Variants in ZFPM2 observed in about 807,000 individuals in gnomAD.
The protein encoded by ZFPM2 is zinc finger protein, FOG family member 2, also known as zinc finger protein ZFPM2.
Under a neutral mutation model 98.6 loss-of-function variants are expected in ZFPM2, and 20 were observed. The observed-to-expected ratio is 0.20, with a 90% confidence interval of 0.14 to 0.29. The LOEUF (loss-of-function observed/expected upper bound fraction) is 0.29. ZFPM2 is among the 10% of genes least tolerant of loss of function. The probability of loss-of-function intolerance (pLI) is 1.00; values close to 1 mark genes in which losing one functional copy is unlikely to be tolerated. For missense variants in ZFPM2, 1,310 were observed against 1,388.6 expected, an observed-to-expected ratio of 0.94 and a Z score of 0.90; for synonymous variants, 518 against 502.7, an observed-to-expected ratio of 1.03 and a Z score of -0.41.
intron 2 of ZFPM2, among the ~76,000 whole-genome samples, chr8:105,421,298 A>ATT (rs922853040): frequency 1.5e-4 from 23 of 152,098 alleles, no homozygotes; most frequent in African/African-American, 4.6e-4. Flanking sequence ...ACAAAATAAT[A>ATT]TTTAGTATAT....
intron 1 of ZFPM2, among the ~76,000 whole-genome samples, chr8:105,398,597 T>C (rs1811271062): frequency 6.6e-6 from 1 of 152,050 alleles, no homozygotes; most frequent in Non-Finnish European, 1.5e-5. Context: ...CATTAGATTC[T>C]CATAAGGAGC....
chr8:105,684,909 G>A (rs1367876928), intron 5 of ZFPM2: 6 of 151,984 alleles, frequency 3.9e-5, no homozygotes, highest in Admixed American at 3.9e-4. Context: ...CAGCGGACAA[G>A]TTTGTGATTC....
intron 4 of ZFPM2, among the ~76,000 whole-genome samples, chr8:105,621,439 G>A (rs1816543815): frequency 6.6e-6 from 1 of 152,020 alleles, no homozygotes; most frequent in Admixed American, 6.6e-5. Flanking sequence ...GAGACTATGG[G>A]GTTTTCTAAA....
intron 4 of ZFPM2, among the ~76,000 whole-genome samples, chr8:105,609,505 G>T (rs1267785971): frequency 6.6e-6 from 1 of 152,254 alleles, no homozygotes; most frequent in Non-Finnish European, 1.5e-5. Flanking sequence ...CATTTTAATT[G>T]TATTATACAA....
At chr8:105,660,204 T>A (rs1817361471) in intron 5 of ZFPM2, among the ~76,000 whole-genome samples, 1 of 152,186 alleles carries the variant, frequency 6.6e-6, no homozygotes, top group South Asian at 2.1e-4. Flanking sequence ...CTGTACTGTT[T>A]AGGGTATATT....
At chr8:105,758,485 T>G (rs1812657945) in intron 5 of ZFPM2, among the ~76,000 whole-genome samples, 1 of 152,150 alleles carries the variant, frequency 6.6e-6, no homozygotes, top group South Asian at 2.1e-4. Flanking sequence ...ATTCTATACA[T>G]GAACCCAAGG....
intron 1 of ZFPM2, among the ~76,000 whole-genome samples, chr8:105,338,763 A>T (rs1812370386): frequency 6.6e-6 from 1 of 151,890 alleles, no homozygotes; most frequent in Non-Finnish European, 1.5e-5. Context: ...GTCTGTATGA[A>T]TTTGCATGTG....
intron 4 of ZFPM2, among the ~76,000 whole-genome samples, chr8:105,572,238 C>T (rs1245881148): frequency 2.6e-5 from 4 of 151,834 alleles, no homozygotes; most frequent in East Asian, 3.9e-4. Context: ...GGGGTTTCAC[C>T]GTGTTAGCCA....
At chr8:105,556,006 T>C (rs1179210600) in intron 3 of ZFPM2, among the ~76,000 whole-genome samples, 1 of 152,070 alleles carries the variant, frequency 6.6e-6, no homozygotes, top group Admixed American at 6.6e-5. Flanking sequence ...TGGAGCAGTA[T>C]CAGTGGTATT....
rs187973072 is a variant in ZFPM2, at chr8:105,456,060, A to C, written c.301+11679A>C. 3.7e-3 allele frequency among the ~76,000 whole-genome samples: 569 copies of C among 151,962 alleles called. 1 individual carries two copies. Among genetic ancestry groups the C allele is most frequent in the Middle Eastern group, 0.02 (6 of 294 alleles). On this transcript the variant is annotated intron_variant, in intron 3 of 7. Transcript: ENST00000407775. ...TAGAGATAGGAGACAGAAATTCCCTATCTTTAGGGGAAGGCTAGAGGAAGA... is the reference window on the plus strand; with the variant it reads ...TAGAGATAGGAGACAGAAATTCCCTCTCTTTAGGGGAAGGCTAGAGGAAGA...
intron 5 of ZFPM2, among the ~76,000 whole-genome samples, chr8:105,672,262 G>C (rs1326800906): frequency 1.3e-5 from 2 of 151,100 alleles, no homozygotes; most frequent in African/African-American, 2.4e-5. Flanking sequence ...ATATTCTTTG[G>C]TTCAAGAAAA....
chr8:105,353,976 G>A (rs766081438), intron 1 of ZFPM2, among the ~76,000 whole-genome samples: 1 of 152,078 alleles, frequency 6.6e-6, no homozygotes, highest in Non-Finnish European at 1.5e-5. Context: ...GTATTCTAAG[G>A]AGTATGACCA....
At chr8:105,381,306 C>T (rs1563631701) in intron 1 of ZFPM2, among the ~76,000 whole-genome samples, 1 of 151,882 alleles carries the variant, frequency 6.6e-6, no homozygotes, top group Non-Finnish European at 1.5e-5. Flanking sequence ...GCATAGTATT[C>T]CATGGTGTAT....
At chr8:105,555,012 T>C (rs1157628867) in intron 3 of ZFPM2, among the ~76,000 whole-genome samples, 1 of 152,160 alleles carries the variant, frequency 6.6e-6, no homozygotes, top group Non-Finnish European at 1.5e-5. Flanking sequence ...ATTTCTTTTA[T>C]TTAGGCCAAA....
At chr8:105,500,295 CT>C (rs541203655) in intron 3 of ZFPM2, among the ~76,000 whole-genome samples, 1 of 151,900 alleles carries the variant, frequency 6.6e-6, no homozygotes, top group East Asian at 1.9e-4. Flanking sequence ...CGATACAATA[CT>C]TTTTTTTAAA....
At chr8:105,488,005 G>A (rs143952121) in intron 3 of ZFPM2, among the ~76,000 whole-genome samples, 20 of 151,362 alleles carry the variant, frequency 1.3e-4, no homozygotes, top group Non-Finnish European at 2.2e-4. Flanking sequence ...AATTGAGAGC[G>A]AAGGTGCAGA....
intron 3 of ZFPM2, among the ~76,000 whole-genome samples, chr8:105,550,686 C>T (rs1230414240): frequency 6.6e-6 from 1 of 152,090 alleles, no homozygotes; most frequent in Admixed American, 6.6e-5. Context: ...GGAGCAATCA[C>T]CTCTGAACTT....
chr8:105,657,356 C>T (rs1440748271), intron 5 of ZFPM2, among the ~76,000 whole-genome samples: 1 of 152,150 alleles, frequency 6.6e-6, no homozygotes, highest in African/African-American at 2.4e-5. Context: ...TCAGGCTGAT[C>T]TTGAACTCCT....
rs545773779 is a variant in ZFPM2, at chr8:105,362,960, G to A, written c.40+43979G>A. Among the ~76,000 whole-genome samples, 279 of 152,224 alleles carry A rather than the reference G, an allele frequency of 1.8e-3. 1 individual carries two copies. The highest frequency in any genetic ancestry group is 6.4e-3 in the African/African-American group (265 of 41,546). The stretch of plus-strand genomic sequence containing the variant: ...TAAGGTAGCCGGCTGTGTTTAGAGG[G>A]TGCTAAGACAGCTGGAGTGGGAGAA... On this transcript the variant is annotated intron_variant, in intron 1 of 7. Coordinates refer to ENST00000407775, the MANE Select transcript of ZFPM2 (RefSeq NM_012082.4).
Sources: gnomAD v4.1 joint callset for allele counts (sites outside exome capture counted in the v4.1 genomes callset) on GRCh38, gnomAD v4.1.1 for gene constraint, MANE v1.5 for transcripts, NCBI Gene and HGNC (gene_info 2026-07-23, HGNC 2026-07-21) for gene names.